The following P2RX5 variants were observed in gnomAD, a reference collection of about 807,000 sequenced individuals.
P2RX5 encodes P2X purinoceptor 5.
Under a neutral mutation model 54.1 loss-of-function variants are expected in P2RX5, and 46 were observed. The observed-to-expected ratio is 0.85, with a 90% CI of 0.67 to 1.09. The LOEUF (loss-of-function observed/expected upper bound fraction) is 1.09, where lower values mean the gene tolerates loss of function less well. Ranked by LOEUF, P2RX5 falls within the 50% of genes least tolerant of loss-of-function variation. The probability of loss-of-function intolerance (pLI) is 0.00; values close to 1 mark genes in which losing one functional copy is unlikely to be tolerated. For missense variants in P2RX5, 566 were observed against 549.8 expected (o/e 1.03, Z -0.29); for synonymous variants, 226 against 226.4 (o/e 1.00, Z 0.02).
At chr17:3,708,057 CAAAAAAAA>C in the P2RX5 span, among the ~76,000 whole-genome samples, 1 of 65,172 alleles carries the variant, frequency 1.5e-5, no homozygotes, top group Non-Finnish European at 2.9e-5. Flanking sequence ...GACTCCGTCT[CAAAAAAAA>C]AAAAAAAAAA....
At chr17:3,691,850 T>C (rs2050626613) in intron 1 of P2RX5, 56 bp from the exon 2 acceptor site, 1 of 1,595,896 alleles carries the variant, frequency 6.3e-7, no homozygotes, top group East Asian at 2.2e-5. Context: ...TTCGGGGAGC[T>C]TCCCCAGGCC....
intron 9 of P2RX5, among the ~76,000 whole-genome samples, chr17:3,683,150 C>T (rs1430226073): frequency 6.6e-6 from 1 of 152,190 alleles, no homozygotes; most frequent in Non-Finnish European, 1.5e-5. Context: ...TGCCCCTCTC[C>T]TCCAGCAGAG....
chr17:3,682,469 T>TAC (rs930473532), intron 9 of P2RX5: 21 of 207,708 alleles, frequency 1.0e-4, no homozygotes, highest in African/African-American at 3.9e-4. Flanking sequence ...GGAAGGACAT[T>TAC]ACGGAGGGAG....
At chr17:3,708,933 C>G in the P2RX5 span, among the ~76,000 whole-genome samples, 1 of 151,824 alleles carries the variant, frequency 6.6e-6, no homozygotes, top group African/African-American at 2.4e-5. Context: ...TAGAGATGCA[C>G]AGAATATGGT....
chr17:3,676,312 G>A, intron 11 of P2RX5: 1 of 985,344 alleles, frequency 1.0e-6, no homozygotes, highest in East Asian at 1.1e-4. Context: ...GCCAGCGTCA[G>A]GAGAAGTTCA....
intron 11 of P2RX5, chr17:3,676,600 A>G (rs2050110989): frequency 3.0e-6 from 3 of 985,186 alleles, no homozygotes; most frequent in Non-Finnish European, 3.6e-6. Flanking sequence ...AATTGGCTCC[A>G]TCCACCAAAG....
the P2RX5 span, among the ~76,000 whole-genome samples, chr17:3,708,626 T>C: frequency 6.6e-5 from 10 of 152,304 alleles, no homozygotes; most frequent in African/African-American, 2.2e-4. Context: ...GGTCCGGTCT[T>C]TCTGGAAAGC....
At chr17:3,700,040 G>A (rs995155552), upstream of P2RX5, among the ~76,000 whole-genome samples, 3 of 152,076 alleles carry the variant, frequency 2.0e-5, no homozygotes, top group Non-Finnish European at 2.9e-5. Context: ...TCCACATATG[G>A]CATTGTGATG....
At chr17:3,703,314 G>A in the P2RX5 span, among the ~76,000 whole-genome samples, 4 of 151,936 alleles carry the variant, frequency 2.6e-5, no homozygotes, top group Admixed American at 6.6e-5. Context: ...AGACCAGCGT[G>A]GACAACGAAG....
chr17:3,685,951 GCGGGGCCCCCAGGGACC>G, intron 9 of P2RX5, among the ~76,000 whole-genome samples: 1 of 4,018 alleles, frequency 2.5e-4, no homozygotes, highest in Non-Finnish European at 5.0e-4. Context: ...AGAACACACA[GCGGGGCCCCCAGGGACC>G]CTCCCAACGT....
At chr17:3,706,349 G>A in the P2RX5 span, among the ~76,000 whole-genome samples, 1 of 151,996 alleles carries the variant, frequency 6.6e-6, no homozygotes, top group African/African-American at 2.4e-5. Flanking sequence ...CCCACCTTGC[G>A]CTCTCAAAGT....
At position 3,685,916 on chromosome 17, in the gene P2RX5, G is replaced by T. The variant is rs1346677225; in HGVS notation, c.981+2096C>A. On this transcript the variant is annotated intron_variant, in intron 9 of 11. Transcript: ENST00000225328. Reference sequence around the variant, plus strand: ...CCCAGGGACCCTCCCAACGTCCCCCGCCCCCCGCCCAGCCTGAGAACAGGA... The same window carrying T: ...CCCAGGGACCCTCCCAACGTCCCCCTCCCCCCGCCCAGCCTGAGAACAGGA... 6.0e-4 allele frequency among the ~76,000 whole-genome samples: 3 copies of T among 4,964 alleles called. No individual in the cohort carries two copies. The African/African-American group carries it at 0.013, about 21-fold the overall frequency. 3.3% of individuals were successfully genotyped at this position (4,964 alleles called of 152,430 possible).
At chr17:3,716,808 A>T in the P2RX5 span, 1 of 1,429,568 alleles carries the variant, frequency 7.0e-7, no homozygotes, top group Non-Finnish European at 9.8e-7. Context: ...TCTAGACAAG[A>T]CAAAGAGATC....
intron 11 of P2RX5, among the ~76,000 whole-genome samples, chr17:3,674,680 T>C (rs2050061204): frequency 6.6e-6 from 1 of 152,234 alleles, no homozygotes; most frequent in South Asian, 2.1e-4. Flanking sequence ...TCACCCAGGT[T>C]CTCCGTTGCT....
chr17:3,695,813 G>A (rs1169028112), intron 1 of P2RX5, 56 bp downstream of exon 1: 1 of 1,595,690 alleles, frequency 6.3e-7, no homozygotes, highest in Non-Finnish European at 8.6e-7. Context: ...AGGACGCGGC[G>A]GCTGGCACCC....
intron 1 of P2RX5, 87 bp downstream of exon 1, chr17:3,695,782 C>G: frequency 6.5e-7 from 1 of 1,542,570 alleles, no homozygotes; most frequent in South Asian, 1.1e-5. Context: ...TGCACGCCTG[C>G]GAATTCCAGG....
At position 3,688,039 on chromosome 17, in the gene P2RX5, GAT is replaced by G; in HGVS notation, c.952_953del (p.Ile318ProfsTer3). ...TGCCGTTCACCATCACGTCAAAGCG[GAT>G]CCCGTAGGCTTTCATCAGGGTGCGG... ...EFRTLMKAYG[I>X]RFDVMVNGKG... On this transcript the variant is annotated frameshift_variant, in exon 9 of 12. Coordinates refer to ENST00000225328, the MANE Select transcript of P2RX5 (RefSeq NM_002561.4). LOFTEE classifies it high-confidence loss of function. 1 of 1,601,960 alleles carries G rather than the reference GAT, an allele frequency of 6.2e-7. No individual in the cohort carries two copies. The highest frequency in any genetic ancestry group is 8.5e-7 in the Non-Finnish European group (1 of 1,174,668).
the P2RX5 span, chr17:3,716,599 C>CT: frequency 5.1e-6 from 4 of 781,966 alleles, no homozygotes; most frequent in Admixed American, 8.9e-5. Context: ...GGCAGCTGCT[C>CT]TAAGTCAGAG....
chr17:3,688,178 G>A (rs966295524), intron 8 of P2RX5, 73 bp from the exon 9 acceptor site: 2 of 827,020 alleles, frequency 2.4e-6, no homozygotes, highest in Non-Finnish European at 4.1e-6. Context: ...TGATGTGGCT[G>A]CTCTGGGGAC....
Sources: gnomAD v4.1 joint callset for allele counts (sites outside exome capture counted in the v4.1 genomes callset) on GRCh38, gnomAD v4.1.1 for gene constraint, MANE v1.5 for transcripts, NCBI Gene and HGNC (gene_info 2026-07-23, HGNC 2026-07-21) for gene names.